The following SCN2A variants were observed in gnomAD, a reference collection of about 807,000 sequenced individuals.
SCN2A encodes sodium channel protein type 2 subunit alpha.
Under a neutral mutation model 188.7 loss-of-function variants are expected in SCN2A, and 20 were observed. That is an observed-to-expected ratio of 0.11 (90% CI 0.07 to 0.15). SCN2A has a LOEUF of 0.15. Among genes scored for constraint, SCN2A ranks in the 10% least tolerant of loss-of-function variants. The probability of loss-of-function intolerance (pLI) is 1.00; values close to 1 mark genes in which losing one functional copy is unlikely to be tolerated. For missense variants in SCN2A, 1,278 were observed against 2,445.0 expected (o/e 0.52, Z 10.07); for synonymous variants, 804 against 833.1 (o/e 0.97, Z 0.60).
At chr2:165,342,628 C>T (rs1699375561) in intron 15 of SCN2A, among the ~76,000 whole-genome samples, 159 bp downstream of exon 15, 1 of 152,150 alleles carries the variant, frequency 6.6e-6, no homozygotes, top group African/African-American at 2.4e-5. Flanking sequence ...GTTTCTTCTT[C>T]ATCATAGCTT....
chr2:165,314,375 G>A (rs1697616576), intron 10 of SCN2A, among the ~76,000 whole-genome samples: 3 of 152,070 alleles, frequency 2.0e-5, no homozygotes, highest in Non-Finnish European at 2.9e-5. Flanking sequence ...GGAAATTAAT[G>A]ATTAACAAAG....
intron 1 of SCN2A, chr2:165,290,726 A>G (rs1317419931): frequency 1.3e-5 from 13 of 978,452 alleles, no homozygotes; most frequent in Non-Finnish European, 1.6e-5. Flanking sequence ...CATCATAGAG[A>G]TTTATGAAAT....
intron 12 of SCN2A, among the ~76,000 whole-genome samples, chr2:165,324,330 A>AT (rs918100907): frequency 4.6e-5 from 7 of 151,588 alleles, no homozygotes; most frequent in African/African-American, 1.2e-4. Flanking sequence ...TCTTCTTATG[A>AT]TTTTTTTTTC....
At chr2:165,320,476 C>G (rs1428857063) in intron 11 of SCN2A, 1 of 152,294 alleles carries the variant, frequency 6.6e-6, no homozygotes, top group Non-Finnish European at 1.5e-5. Flanking sequence ...TGTTGGGGCT[C>G]TGACCCCACA....
At chr2:165,247,014 A>G (rs1442206347) in intron 1 of SCN2A, among the ~76,000 whole-genome samples, 1 of 152,142 alleles carries the variant, frequency 6.6e-6, no homozygotes, top group Non-Finnish European at 1.5e-5. Flanking sequence ...ACAGGTTTCT[A>G]TCACTGCATG....
At chr2:165,336,797 C>A (rs1351200184) in intron 14 of SCN2A, among the ~76,000 whole-genome samples, 1 of 151,414 alleles carries the variant, frequency 6.6e-6, no homozygotes, top group Admixed American at 6.6e-5. Context: ...GATACTTTAC[C>A]CCCATGTTGC....
intron 13 of SCN2A, among the ~76,000 whole-genome samples, chr2:165,328,809 C>T (rs1698505197): frequency 6.6e-6 from 1 of 152,036 alleles, no homozygotes; most frequent in Non-Finnish European, 1.5e-5. Flanking sequence ...GAGCTTTTGA[C>T]TTGTGTATTT....
At chr2:165,296,947 T>C in intron 2 of SCN2A, 70 bp from the exon 3 acceptor site, 1 of 829,836 alleles carries the variant, frequency 1.2e-6, no homozygotes, top group South Asian at 1.5e-5. Flanking sequence ...ATAATGGTTT[T>C]ACTTTTCTCT....
intron 3 of SCN2A, among the ~76,000 whole-genome samples, chr2:165,297,380 C>T (rs185000015): frequency 1.6e-4 from 25 of 152,310 alleles, no homozygotes; most frequent in Admixed American, 1.2e-3. Context: ...TTCTCCCTTA[C>T]GAATTGCTTG....
chr2:165,378,069 A>C lies in SCN2A; in HGVS notation c.4308+419A>C, dbSNP rs1558877468. 2.0e-5 allele frequency among the ~76,000 whole-genome samples: 3 copies of C among 151,754 alleles called. No individual in the cohort carries two copies. In the Admixed American group the frequency reaches 2.0e-4, roughly 10 times the overall value. On this transcript the variant is annotated intron_variant, in intron 23 of 26. Coordinates refer to ENST00000375437, the MANE Select transcript of SCN2A (RefSeq NM_001040142.2). ...ACTAAAAACGGGGACAAAAATAAACAATTTAGTGTTTCTCTTGGGAAAGTG... is the reference window on the plus strand; with the variant it reads ...ACTAAAAACGGGGACAAAAATAAACCATTTAGTGTTTCTCTTGGGAAAGTG...
chr2:165,324,906 C>A (rs1236747235), intron 12 of SCN2A, among the ~76,000 whole-genome samples: 2 of 152,090 alleles, frequency 1.3e-5, no homozygotes, highest in Non-Finnish European at 2.9e-5. Context: ...TTCATTTTAA[C>A]CAATGTTTCT....
chr2:165,291,249 G>T (rs1172571042), intron 1 of SCN2A, among the ~76,000 whole-genome samples: 1 of 151,054 alleles, frequency 6.6e-6, no homozygotes, highest in Non-Finnish European at 1.5e-5. Flanking sequence ...TCATCATGTT[G>T]GCCAGGCTGG....
chr2:165,356,336 A>G (rs952685565), intron 17 of SCN2A, among the ~76,000 whole-genome samples: 4 of 152,218 alleles, frequency 2.6e-5, no homozygotes, highest in African/African-American at 9.6e-5. Flanking sequence ...GTTGAATAAT[A>G]TCTTAAAATC....
At chr2:165,253,229 A>AC (rs1694170960) in intron 1 of SCN2A, among the ~76,000 whole-genome samples, 1 of 152,084 alleles carries the variant, frequency 6.6e-6, no homozygotes. Context: ...GCCCTTCTTA[A>AC]CCTTTACATT....
chr2:165,324,630 G>A (rs1361069547), intron 12 of SCN2A, among the ~76,000 whole-genome samples: 1 of 152,052 alleles, frequency 6.6e-6, no homozygotes, highest in Non-Finnish European at 1.5e-5. Context: ...AGATAACCAT[G>A]TACCAGACAC....
chr2:165,242,230 A>G (rs75171066), intron 1 of SCN2A, among the ~76,000 whole-genome samples: 1,544 of 152,312 alleles, frequency 0.01, 17 homozygotes, highest in African/African-American at 0.035. Context: ...GGACAAAATT[A>G]GGTCATACAT....
intron 16 of SCN2A, among the ~76,000 whole-genome samples, chr2:165,350,984 G>A (rs866893494): frequency 6.6e-6 from 1 of 152,180 alleles, no homozygotes; most frequent in Non-Finnish European, 1.5e-5. Flanking sequence ...GGTTCACTAT[G>A]TGCCAAGAAC....
intron 1 of SCN2A, among the ~76,000 whole-genome samples, chr2:165,248,914 A>G (rs1437638075): frequency 6.6e-6 from 1 of 152,158 alleles, no homozygotes; most frequent in African/African-American, 2.4e-5. Flanking sequence ...GCTGATTCAC[A>G]TTTACAAATG....
Position 165,389,625 on chromosome 2 carries a change from G to A in SCN2A, c.5819G>A (p.Cys1940Tyr), listed in dbSNP as rs755792692. The change falls in exon 27 of 27, where the codon TGT becomes TAT. Residue 1940 changes from cysteine (C) to tyrosine (Y), a missense_variant. Physicochemically the swap from Cys to Tyr is radical, Grantham distance 194. Transcript: ENST00000375437. The surrounding 1 kb of genome is among the most constrained non-coding windows in gnomAD (Gnocchi z 4.2). The part of the protein sequence containing the change: ...SIYKKDKGKE[C>Y]DGTPIKEDTL... The stretch of plus-strand genomic sequence containing the variant: ...TACAAGAAAGACAAAGGCAAAGAAT[G>A]TGATGGAACACCCATCAAAGAAGAT... 1.2e-6 allele frequency: 2 copies of A among 1,613,858 alleles called. No individual in the cohort carries two copies. The highest frequency in any genetic ancestry group is 1.1e-5 in the South Asian group (1 of 91,084).
Sources: gnomAD v4.1 joint callset for allele counts (sites outside exome capture counted in the v4.1 genomes callset) on GRCh38, gnomAD v4.1.1 for gene constraint, Gnocchi (gnomAD v3.1) non-coding constraint, MANE v1.5 for transcripts, NCBI Gene and HGNC (gene_info 2026-07-23, HGNC 2026-07-21) for gene names.